ZNF462: variants seen among roughly 807,000 people sequenced by gnomAD.
ZNF462 encodes the protein zinc finger PBX1-interacting protein.
A neutral mutation model predicts 201.9 loss-of-function variants in ZNF462; 10 were observed. The observed-to-expected ratio is 0.05, with a 90% CI of 0.03 to 0.08. ZNF462 has a LOEUF of 0.08. Among genes scored for constraint, ZNF462 ranks in the 10% least tolerant of loss-of-function variants. The probability of loss-of-function intolerance (pLI) is 1.00; values close to 1 mark genes in which losing one functional copy is unlikely to be tolerated. For synonymous variants in ZNF462, 1,227 were observed against 1,193.3 expected, an observed-to-expected ratio of 1.03 and a Z score of -0.58; for missense variants, 2,523 against 3,168.3, an observed-to-expected ratio of 0.80 and a Z score of 4.89.
At chr9:106,939,787 A>C (rs543104973) in intron 7 of ZNF462, among the ~76,000 whole-genome samples, 1 of 152,286 alleles carries the variant, frequency 6.6e-6, no homozygotes, top group Non-Finnish European at 1.5e-5. Context: ...ATGGCATAGT[A>C]AGCAAAGGGA....
At chr9:106,879,329 T>TCCCCCCCCCC (rs1321110689) in intron 1 of ZNF462, among the ~76,000 whole-genome samples, 1 of 74,514 alleles carries the variant, frequency 1.3e-5, no homozygotes, top group Non-Finnish European at 2.7e-5. Context: ...AGAGATGCTT[T>TCCCCCCCCCC]CCACCCCCCC....
intron 10 of ZNF462, among the ~76,000 whole-genome samples, chr9:107,001,122 G>A (rs1829155740): frequency 6.6e-6 from 1 of 152,074 alleles, no homozygotes; most frequent in Admixed American, 6.6e-5. Context: ...AGGAGAAAGT[G>A]GCCCAGGAAA....
intron 1 of ZNF462, among the ~76,000 whole-genome samples, chr9:106,889,333 G>A (rs987050777): frequency 9.2e-5 from 14 of 152,180 alleles, no homozygotes; most frequent in Non-Finnish European, 1.6e-4. Flanking sequence ...TAGCTCAGAG[G>A]GTTGTGATCG....
intron 7 of ZNF462, among the ~76,000 whole-genome samples, chr9:106,955,284 C>A (rs1796542595): frequency 6.6e-6 from 1 of 152,090 alleles, no homozygotes; most frequent in South Asian, 2.1e-4. Flanking sequence ...TCATACAAAT[C>A]TTTTGGTTTC....
Position 106,972,312 on chromosome 9 carries a change from C to A in ZNF462, c.6695+40C>A. The stretch of plus-strand genomic sequence containing the variant: ...GAACAGCTATGGAAAACAAGGCGGC[C>A]GCCCCTGCTCCACCCCTCACTGCAG... On this transcript the variant is annotated intron_variant, in intron 8 of 12. Coordinates refer to ENST00000277225, the MANE Select transcript of ZNF462 (RefSeq NM_021224.6). This position sits in a 1 kb window ranked among gnomAD's most constrained non-coding sequence, Gnocchi z 4.8. 6.3e-7 allele frequency: 1 copy of A among 1,587,114 alleles called. No homozygotes were observed. The highest frequency in any genetic ancestry group is 8.6e-7 in the Non-Finnish European group (1 of 1,165,774).
chr9:106,955,608 C>T (rs1831539610), intron 7 of ZNF462, among the ~76,000 whole-genome samples: 1 of 152,148 alleles, frequency 6.6e-6, no homozygotes, highest in Non-Finnish European at 1.5e-5. Context: ...TTATCTGCAG[C>T]ATGCAGTGCT....
In ZNF462 at chr9:106,954,040, C is replaced by A. The variant is rs1039087724; in HGVS notation, c.6427+14933C>A. On this transcript the variant is annotated intron_variant, in intron 7 of 12. Transcript: ENST00000277225. The surrounding 1 kb of genome is among the most constrained non-coding windows in gnomAD (Gnocchi z 4.0). ...TTAATTACCATGTTTATCCCACCTG[C>A]AAAGTCCTCCATTCATTCTATTCTA... 1.3e-5 allele frequency among the ~76,000 whole-genome samples: 2 copies of A among 152,140 alleles called. No individual in the cohort carries two copies. The highest frequency in any genetic ancestry group is 4.8e-5 in the African/African-American group (2 of 41,452).
At chr9:106,864,714 C>T (rs1827255000) in intron 1 of ZNF462, among the ~76,000 whole-genome samples, 1 of 152,068 alleles carries the variant, frequency 6.6e-6, no homozygotes, top group South Asian at 2.1e-4. Context: ...CATTTTTAAG[C>T]ACGCGTCTGG....
chr9:106,987,602 C>G (rs565666151), intron 10 of ZNF462, among the ~76,000 whole-genome samples: 1 of 152,104 alleles, frequency 6.6e-6, no homozygotes, highest in Non-Finnish European at 1.5e-5. Context: ...TTTTCTCCCA[C>G]TCTGTGGGTT....
At chr9:106,956,912 C>T (rs1168950159) in intron 7 of ZNF462, among the ~76,000 whole-genome samples, 3 of 152,124 alleles carry the variant, frequency 2.0e-5, no homozygotes, top group Non-Finnish European at 4.4e-5. Context: ...AAGAGAATGT[C>T]GTGGCTGATT....
At chr9:106,996,248 C>T (rs1432875574) in intron 10 of ZNF462, among the ~76,000 whole-genome samples, 3 of 152,142 alleles carry the variant, frequency 2.0e-5, no homozygotes, top group Non-Finnish European at 4.4e-5. Flanking sequence ...CAAGTCTTTG[C>T]TGTTGTGAAT....
chr9:106,878,989 G>C (rs1439928949), intron 1 of ZNF462, among the ~76,000 whole-genome samples: 1 of 151,702 alleles, frequency 6.6e-6, no homozygotes, highest in African/African-American at 2.4e-5. Flanking sequence ...ATAAAGTAAA[G>C]TTTAATGGTT....
intron 7 of ZNF462, among the ~76,000 whole-genome samples, chr9:106,952,315 AT>A (rs1831388308): frequency 6.6e-6 from 1 of 152,248 alleles, no homozygotes; most frequent in East Asian, 1.9e-4. Flanking sequence ...AGATAACACA[AT>A]GGAAGTACTT....
At chr9:106,918,126 C>T (rs1228732436) in intron 1 of ZNF462, among the ~76,000 whole-genome samples, 20 of 151,990 alleles carry the variant, frequency 1.3e-4, no homozygotes, top group African/African-American at 2.9e-4. Context: ...TCATCCACCT[C>T]GGCCTCCCAA....
chr9:106,961,817 G>A (rs1040245090), intron 7 of ZNF462, among the ~76,000 whole-genome samples: 12 of 152,164 alleles, frequency 7.9e-5, no homozygotes, highest in African/African-American at 2.2e-4. Context: ...GAAAATCTTC[G>A]TGGTGATGGC....
At chr9:106,889,699 T>C (rs752206499) in intron 1 of ZNF462, among the ~76,000 whole-genome samples, 1 of 152,232 alleles carries the variant, frequency 6.6e-6, no homozygotes, top group African/African-American at 2.4e-5. Flanking sequence ...TTGTGCTAAA[T>C]GTTGGCTCTA....
At chr9:106,956,056 T>C (rs181894264) in intron 7 of ZNF462, among the ~76,000 whole-genome samples, 1 of 152,294 alleles carries the variant, frequency 6.6e-6, no homozygotes, top group African/African-American at 2.4e-5. Flanking sequence ...CAGATGTTCT[T>C]AATGTCATCT....
intron 10 of ZNF462, among the ~76,000 whole-genome samples, chr9:107,001,054 C>T (rs189190522): frequency 2.0e-5 from 3 of 152,158 alleles, no homozygotes; most frequent in Admixed American, 1.3e-4. Flanking sequence ...TGACAGCCCA[C>T]CCCTCATGTC....
At chr9:106,874,768 T>C (rs1827754281) in intron 1 of ZNF462, among the ~76,000 whole-genome samples, 1 of 152,180 alleles carries the variant, frequency 6.6e-6, no homozygotes, top group African/African-American at 2.4e-5. Flanking sequence ...GCCTGAGAAC[T>C]GAAGTGGTGT....
Sources: allele counts gnomAD v4.1 joint callset (sites outside exome capture counted in the v4.1 genomes callset), GRCh38; gene constraint gnomAD v4.1.1; non-coding constraint Gnocchi (gnomAD v3.1); transcripts MANE v1.5; gene names NCBI Gene and HGNC (gene_info 2026-07-23, HGNC 2026-07-21).